The following RYR2 variants were observed in gnomAD, a reference collection of about 807,000 sequenced individuals.
RYR2 encodes cardiac muscle ryanodine receptor-calcium release channel.
RYR2 carries 227 observed loss-of-function variants against 601.1 expected under a neutral mutation model. That is an observed-to-expected ratio of 0.38 (90% CI 0.34 to 0.42). RYR2 has a LOEUF of 0.42. Among genes scored for constraint, RYR2 ranks in the 10% least tolerant of loss-of-function variants. RYR2 has a pLI of 1.00. For synonymous variants in RYR2, 2,223 were observed against 2,175.1 expected (o/e 1.02, Z -0.61); for missense variants, 4,646 against 6,156.5 (o/e 0.75, Z 8.21).
chr1:237,808,848 C>T, intron 99 of RYR2, 53 bp from the exon 100 acceptor site: 1 of 1,591,942 alleles, frequency 6.3e-7, no homozygotes, highest in South Asian at 1.1e-5. Flanking sequence ...TGTCACGTGT[C>T]AATTGTATGT....
chr1:237,441,802 C>T (rs975511692), intron 13 of RYR2, among the ~76,000 whole-genome samples: 3 of 152,078 alleles, frequency 2.0e-5, no homozygotes, highest in Non-Finnish European at 2.9e-5. Context: ...TACTGACATC[C>T]CCTTGCTTAC....
At chr1:237,367,887 A>G (rs1236270255) in intron 5 of RYR2, among the ~76,000 whole-genome samples, 2 of 152,204 alleles carry the variant, frequency 1.3e-5, no homozygotes, top group Non-Finnish European at 2.9e-5. Context: ...TTTACTGAGT[A>G]CTTACCATGG....
intron 13 of RYR2, 145 bp from the exon 14 acceptor site, chr1:237,445,256 C>T: frequency 1.1e-6 from 1 of 890,696 alleles, no homozygotes; most frequent in Admixed American, 2.6e-5. Context: ...ATGATTTTAT[C>T]TGAACGTAAC....
chr1:237,597,874 A>G (rs1676059746), intron 34 of RYR2, among the ~76,000 whole-genome samples: 1 of 152,214 alleles, frequency 6.6e-6, no homozygotes, highest in Non-Finnish European at 1.5e-5. Flanking sequence ...GCTTAGTTAA[A>G]ATATATAGAG....
rs371712039 is a variant in RYR2 at position 237,123,164 on chromosome 1, T to G, written c.48+80595T>G. ...ATAGTGAGAACCACATTTTTCATAG[T>G]GTTCCAGGGTATGCACATATCATAT... On this transcript the variant is annotated intron_variant, in intron 1 of 104. Coordinates refer to ENST00000366574, the MANE Select transcript of RYR2 (RefSeq NM_001035.3). Among the ~76,000 whole-genome samples the G allele has an allele frequency of 1.5e-3, 225 of 152,332 alleles. 1 individual carries two copies. The highest frequency in any genetic ancestry group is 5.2e-3 in the African/African-American group (218 of 41,580).
chr1:237,128,450 G>A (rs369333765), intron 1 of RYR2, among the ~76,000 whole-genome samples: 1 of 152,188 alleles, frequency 6.6e-6, no homozygotes, highest in Admixed American at 6.5e-5. Context: ...TCAGAAAGTT[G>A]TTCAATTTCC....
At chr1:237,637,916 C>A (rs1681042424) in intron 44 of RYR2, among the ~76,000 whole-genome samples, 3 of 152,000 alleles carry the variant, frequency 2.0e-5, no homozygotes, top group South Asian at 2.1e-4. Context: ...ATACAGCAGG[C>A]ACTGTGGGTG....
intron 66 of RYR2, 146 bp downstream of exon 66, chr1:237,702,205 A>T (rs933198805): frequency 2.6e-5 from 15 of 580,032 alleles, no homozygotes; most frequent in Non-Finnish European, 3.7e-5. Context: ...GTAATTAGAC[A>T]ATCTTTAAAC....
intron 29 of RYR2, among the ~76,000 whole-genome samples, chr1:237,588,930 C>T (rs759749163): frequency 5.3e-5 from 8 of 152,004 alleles, no homozygotes; most frequent in Non-Finnish European, 1.0e-4. Flanking sequence ...AAAATACCAT[C>T]TCATTGTCTT....
At chr1:237,734,792 A>G (rs1690995983) in intron 79 of RYR2, among the ~76,000 whole-genome samples, 1 of 152,204 alleles carries the variant, frequency 6.6e-6, no homozygotes, top group African/African-American at 2.4e-5. Context: ...TGCGTTAAAG[A>G]TGCCTGTGAG....
intron 17 of RYR2, among the ~76,000 whole-genome samples, chr1:237,477,703 C>G (rs373532331): frequency 6.6e-6 from 1 of 152,222 alleles, no homozygotes; most frequent in Non-Finnish European, 1.5e-5. Flanking sequence ...ATTGTCATGG[C>G]TTAAAGCCTC....
chr1:237,288,452 T>G (rs1318756446), intron 2 of RYR2, among the ~76,000 whole-genome samples: 1 of 151,554 alleles, frequency 6.6e-6, no homozygotes, highest in African/African-American at 2.4e-5. Flanking sequence ...CTAGGCACGT[T>G]TGAGCTCAGA....
intron 1 of RYR2, among the ~76,000 whole-genome samples, chr1:237,051,816 AGGCT>A (rs894151515): frequency 6.6e-6 from 1 of 152,176 alleles, no homozygotes; most frequent in Non-Finnish European, 1.5e-5. Flanking sequence ...AGACCTGGGC[AGGCT>A]GGCTCTAGAA....
At chr1:237,783,129 TAC>T (rs1406552240) in intron 89 of RYR2, among the ~76,000 whole-genome samples, 17 of 152,326 alleles carry the variant, frequency 1.1e-4, no homozygotes, top group South Asian at 1.0e-3. Flanking sequence ...AGAAAAAGCG[TAC>T]AGTTTGCTCT....
At chr1:237,257,071 G>C (rs935685688) in intron 1 of RYR2, among the ~76,000 whole-genome samples, 1 of 152,126 alleles carries the variant, frequency 6.6e-6, no homozygotes, top group African/African-American at 2.4e-5. Context: ...ATTCACTTTA[G>C]CTGTAGCCTA....
At chr1:237,765,427 C>T (rs1693773780) in intron 84 of RYR2, among the ~76,000 whole-genome samples, 1 of 152,064 alleles carries the variant, frequency 6.6e-6, no homozygotes, top group South Asian at 2.1e-4. Context: ...ATCCTCACTA[C>T]AACATTAACT....
intron 68 of RYR2, among the ~76,000 whole-genome samples, chr1:237,708,650 G>A (rs757006375): frequency 1.6e-4 from 25 of 152,026 alleles, no homozygotes; most frequent in Non-Finnish European, 2.4e-4. Flanking sequence ...AAGGAAGATC[G>A]TTGAATTCAA....
At chr1:237,451,786 T>G (rs565966684) in intron 14 of RYR2, among the ~76,000 whole-genome samples, 1 of 152,246 alleles carries the variant, frequency 6.6e-6, no homozygotes, top group South Asian at 2.1e-4. Flanking sequence ...TATTTTTCAG[T>G]TATTTTTTTA....
chr1:237,246,130 C>T (rs1159431388), intron 1 of RYR2, among the ~76,000 whole-genome samples: 1 of 151,582 alleles, frequency 6.6e-6, no homozygotes, highest in Non-Finnish European at 1.5e-5. Flanking sequence ...GAGTCTTGCT[C>T]TTTCGCCCGA....
Sources: allele counts gnomAD v4.1 joint callset (sites outside exome capture counted in the v4.1 genomes callset), GRCh38; gene constraint gnomAD v4.1.1; transcripts MANE v1.5; gene names NCBI Gene and HGNC (gene_info 2026-07-23, HGNC 2026-07-21).